Variants in ERMARD observed in about 807,000 individuals in gnomAD.
The protein encoded by ERMARD is ER membrane associated RNA degradation.
A neutral mutation model predicts 83.9 loss-of-function variants in ERMARD; 71 were observed. That is an observed-to-expected ratio of 0.85 (90% confidence interval 0.70 to 1.03). ERMARD has a LOEUF of 1.03. ERMARD is among the 50% of genes least tolerant of loss of function. The pLI, the probability that ERMARD is intolerant of heterozygous loss-of-function variation, is 0.00. For synonymous variants in ERMARD, 284 were observed against 298.6 expected (o/e 0.95, Z 0.50); for missense variants, 838 against 810.9 (o/e 1.03, Z -0.41).
In ERMARD at chr6:169,754,494, C is replaced by T. The variant is rs574646727; in HGVS notation, c.175+462C>T. On this transcript the variant is annotated intron_variant, in intron 2 of 17. Transcript: ENST00000366773. ...ATGAACATACTCTGGCCTAGCAGTC[C>T]GTTTTCAGGAATCCTTAAGACAGAT... Among the ~76,000 whole-genome samples, 22 of 152,168 alleles carry T rather than the reference C, an allele frequency of 1.4e-4. No homozygotes were observed. The South Asian group carries it at 3.9e-3, about 27-fold the overall frequency.
At chr6:169,778,465 A>G (rs976988073) in intron 16 of ERMARD, among the ~76,000 whole-genome samples, 25 of 152,350 alleles carry the variant, frequency 1.6e-4, no homozygotes, top group East Asian at 1.9e-4. Flanking sequence ...GCAGATTAAC[A>G]GCATTATGGT....
intron 14 of ERMARD, 168 bp from the exon 15 acceptor site, chr6:169,775,772 G>T (rs548218065): frequency 2.3e-6 from 2 of 869,464 alleles, no homozygotes; most frequent in Non-Finnish European, 3.4e-6. Context: ...ATATGGCATC[G>T]TTTGTTTCTC....
Position 169,767,931 on chromosome 6 carries a change from A to T in ERMARD, c.991-172A>T, listed in dbSNP as rs1425255621. ...TAGTCTTAAAGTCATTCTGTTGGTT[A>T]AGAAAATATTTCCTGAACACCTGTT... On this transcript the variant is annotated intron_variant, in intron 10 of 17. Coordinates refer to ENST00000366773, the MANE Select transcript of ERMARD (RefSeq NM_018341.3). The T allele has an allele frequency of 4.9e-6, 3 of 612,926 alleles. No individual in the cohort carries two copies. In the East Asian group the frequency reaches 8.3e-5, roughly 17 times the overall value. 38.0% of individuals were successfully genotyped at this position (612,926 alleles called of 1,614,324 possible). A position where few individuals can be genotyped will look rare whatever the true frequency, so the allele number is the denominator to read the frequency against.
intron 11 of ERMARD, 44 bp from the exon 12 acceptor site, chr6:169,769,496 C>CTGCG (rs1263508377): frequency 1.3e-5 from 20 of 1,540,014 alleles, no homozygotes; most frequent in Non-Finnish European, 1.8e-5. Flanking sequence ...CGTCTCTCTG[C>CTGCG]TGCGGATACT....
In ERMARD at chr6:169,755,429, C is replaced by T. The variant is rs1292348426; in HGVS notation, c.315+7C>T. 1 of 1,613,758 alleles carries T rather than the reference C, an allele frequency of 6.2e-7. No homozygotes were observed. Among genetic ancestry groups the T allele is most frequent in the East Asian group, 2.2e-5 (1 of 44,882 alleles). On this transcript the variant is annotated splice_region_variant and intron_variant, in intron 3 of 17. Coordinates refer to ENST00000366773, the MANE Select transcript of ERMARD (RefSeq NM_018341.3). ...GTGGACAAGTTTTCCAGAGGTTTGG[C>T]TTTTGAACAACCTTTAGAAATAAAA...
chr6:169,761,329 A>G (rs1194553015), intron 8 of ERMARD, among the ~76,000 whole-genome samples: 1 of 151,782 alleles, frequency 6.6e-6, no homozygotes, highest in Non-Finnish European at 1.5e-5. Context: ...CAGTCCTCCC[A>G]CCTCAGCCTC....
At chr6:169,751,436 A>T (rs1790059392), upstream of ERMARD, 1 of 1,613,848 alleles carries the variant, frequency 6.2e-7, no homozygotes, top group Non-Finnish European at 8.5e-7. Flanking sequence ...GCTCGACTTC[A>T]CGCCTCGGCC....
chr6:169,778,248 ATGT>A (rs1413761845), intron 16 of ERMARD, among the ~76,000 whole-genome samples: 2 of 152,214 alleles, frequency 1.3e-5, no homozygotes, highest in Admixed American at 1.3e-4. Flanking sequence ...GAATGAAATG[ATGT>A]TATTTGAGGA....
Position 169,759,879 on chromosome 6 carries a change from A to T in ERMARD, c.647A>T (p.Gln216Leu). 1 of 1,614,264 alleles carries T rather than the reference A, an allele frequency of 6.2e-7. No homozygotes were observed. The highest frequency in any genetic ancestry group is 8.5e-7 in the Non-Finnish European group (1 of 1,180,052). Residue 216 changes from glutamine to leucine, a missense_variant, in exon 7 of 18, where the codon CAG (glutamine) becomes CTG (leucine). By Grantham distance (113) the Gln-to-Leu change is moderately radical. Coordinates refer to ENST00000366773, the MANE Select transcript of ERMARD (RefSeq NM_018341.3). ...MMILLTAGLGQLLKSYLQNTK... is the reference protein window; with the variant it reads ...MMILLTAGLGLLLKSYLQNTK... ...ATACTGTTGACGGCAGGATTGGGTCAGTTACTGAAGAGTTACCTTCAAAAC... is the reference window on the plus strand; with the variant it reads ...ATACTGTTGACGGCAGGATTGGGTCTGTTACTGAAGAGTTACCTTCAAAAC...
rs376253868 is a variant in ERMARD, at chr6:169,775,902, T to C, written c.1395-38T>C. On this transcript the variant is annotated intron_variant, in intron 14 of 17. Coordinates refer to ENST00000366773, the MANE Select transcript of ERMARD (RefSeq NM_018341.3). The stretch of plus-strand genomic sequence containing the variant: ...TGCACAGGCACTGATGTGAGCACTT[T>C]AATTGTCACGTATCTTTAAATATTT... 13 of 1,610,486 alleles carry C rather than the reference T, an allele frequency of 8.1e-6. No homozygotes were observed. In the African/African-American group the frequency reaches 1.3e-4, roughly 17 times the overall value.
At position 169,769,822 on chromosome 6, in the gene ERMARD, G is replaced by A. The variant is rs1792680817; in HGVS notation, c.1233+109G>A. 3.0e-6 allele frequency: 3 copies of A among 1,012,614 alleles called. No homozygotes were observed. The East Asian group carries it at 8.2e-5, about 28-fold the overall frequency. 62.7% of individuals were successfully genotyped at this position (1,012,614 alleles called of 1,614,324 possible). A position where few individuals can be genotyped will look rare whatever the true frequency, so the allele number is the denominator to read the frequency against. On this transcript the variant is annotated intron_variant, in intron 12 of 17. Transcript: ENST00000366773. ...GTTAATCATCTTTTAATATATCTGA[G>A]TTACAGTATCCTCCATCAGAAAAAA...
intron 16 of ERMARD, 24 bp from the exon 17 acceptor site, chr6:169,779,158 T>G: frequency 6.3e-7 from 1 of 1,587,538 alleles, no homozygotes; most frequent in Non-Finnish European, 8.7e-7. Context: ...CCTCACATTT[T>G]AATTTACTTT....
chr6:169,751,505 C>A (rs756714957), upstream of ERMARD: 3 of 1,610,576 alleles, frequency 1.9e-6, no homozygotes, highest in Admixed American at 1.7e-5. Context: ...TCACCGCCGG[C>A]GGTCAAACGC....
chr6:169,774,728 A>T, intron 13 of ERMARD, among the ~76,000 whole-genome samples: 1 of 152,122 alleles, frequency 6.6e-6, no homozygotes, highest in East Asian at 1.9e-4. Context: ...CTGCCGAGGG[A>T]TCTGTCTTGT....
At chr6:169,773,478 G>T in intron 13 of ERMARD, 76 bp downstream of exon 13, 1 of 1,446,040 alleles carries the variant, frequency 6.9e-7, no homozygotes. Flanking sequence ...ATGCTGGAAG[G>T]GTGCAGTTTG....
At chr6:169,767,851 C>T (rs538483795) in intron 10 of ERMARD, 2 of 520,678 alleles carry the variant, frequency 3.8e-6, no homozygotes, top group African/African-American at 3.8e-5. Context: ...CATATACACA[C>T]CACACATATT....
In ERMARD at chr6:169,756,748, C is replaced by G; in HGVS notation, c.447C>G (p.Pro149=). Residue 149 remains proline (P), a synonymous_variant, in exon 5 of 18, where the codon CCC becomes CCG. Transcript: ENST00000366773. ...TTTTACTGATTGGGAAGGAATGCCC[C>G]TTTCTTTTAAGAGATCTGCTTTCAT... ...DVFLLIGKEC[P]FLLRDLLSSE... is the part of the protein sequence containing the mutation. The G allele has an allele frequency of 6.2e-7, 1 of 1,614,022 alleles. No homozygotes were observed. The highest frequency in any genetic ancestry group is 1.1e-5 in the South Asian group (1 of 91,070).
intron 9 of ERMARD, among the ~76,000 whole-genome samples, chr6:169,762,811 A>G (rs988929989): frequency 1.3e-5 from 2 of 152,198 alleles, no homozygotes; most frequent in African/African-American, 4.8e-5. Flanking sequence ...ATGGTGTGTC[A>G]CTGTAACCGC....
rs764448531 is a variant in ERMARD, at chr6:169,769,584, A to G, written c.1104A>G (p.Ile368Met). The stretch of plus-strand genomic sequence containing the variant: ...TGAACCATCAGGAGGGTCCCCGCAT[A>G]AGAGATCATTTAAGCCACGGGGAGA... ...DFLNHQEGPR[I>M]RDHLSHGEIN... Residue 368 changes from isoleucine (I) to methionine (M), a missense_variant, in exon 12 of 18, where the codon ATA (isoleucine) becomes ATG (methionine). Transcript: ENST00000366773. 2 of 1,612,606 alleles carry G rather than the reference A, an allele frequency of 1.2e-6. No individual in the cohort carries two copies. Among genetic ancestry groups the G allele is most frequent in the Admixed American group, 1.7e-5 (1 of 59,746 alleles).
Sources: allele counts gnomAD v4.1 joint callset (sites outside exome capture counted in the v4.1 genomes callset), GRCh38; gene constraint gnomAD v4.1.1; transcripts MANE v1.5; gene names NCBI Gene and HGNC (gene_info 2026-07-23, HGNC 2026-07-21).